The following ALS2 variants were observed in gnomAD, a reference collection of about 807,000 sequenced individuals.
ALS2 encodes the protein alsin Rho guanine nucleotide exchange factor ALS2.
ALS2 carries 117 observed loss-of-function variants against 203.4 expected under a neutral mutation model. The ratio of observed to expected loss-of-function variants is 0.58; its 90% CI spans 0.50 to 0.67. The LOEUF is 0.67. Ranked by LOEUF, ALS2 falls within the 30% of genes least tolerant of loss-of-function variation. The probability of loss-of-function intolerance (pLI) is 0.00; values close to 1 mark genes in which losing one functional copy is unlikely to be tolerated. For missense variants in ALS2, 1,715 were observed against 1,989.4 expected (o/e 0.86, Z 2.62); for synonymous variants, 718 against 725.9 (o/e 0.99, Z 0.17).
At chr2:201,756,450 G>T (rs941381451) in intron 5 of ALS2, among the ~76,000 whole-genome samples, 1 of 152,132 alleles carries the variant, frequency 6.6e-6, no homozygotes, top group Non-Finnish European at 1.5e-5. Context: ...AGTAAAAAAG[G>T]TAAGTTTTAG....
intron 1 of ALS2, among the ~76,000 whole-genome samples, chr2:201,779,229 A>T (rs2106122083): frequency 6.6e-6 from 1 of 152,308 alleles, no homozygotes; most frequent in South Asian, 2.1e-4. Flanking sequence ...TAAAAAGTAA[A>T]TGGCCTGCAT....
intron 12 of ALS2, among the ~76,000 whole-genome samples, chr2:201,737,124 T>G (rs1034543835): frequency 6.6e-6 from 1 of 152,182 alleles, no homozygotes; most frequent in Admixed American, 6.5e-5. Flanking sequence ...ATAAAAAAAT[T>G]ATGTTTCTAC....
At position 201,761,437 on chromosome 2, in the gene ALS2, G is replaced by T. The variant is rs1440521948; in HGVS notation, c.557C>A (p.Ala186Asp). ...TGCQLGLITTAFPVTKPQKVE... is the reference protein window; with the variant it reads ...TGCQLGLITTDFPVTKPQKVE... The stretch of plus-strand genomic sequence containing the variant: ...CTTTTGCGGCTTTGTCACTGGGAAG[G>T]CAGTGGTAATGAGACCCAACTGACA... Residue 186 changes from alanine (A) to aspartate (D), a missense_variant, in exon 4 of 34, where the codon GCC becomes GAC. This residue lies in a region of ALS2 where 476 missense variants were observed against 539.3 expected (regional missense o/e 0.88). Coordinates refer to ENST00000264276, the MANE Select transcript of ALS2 (RefSeq NM_020919.4). The T allele has an allele frequency of 6.2e-7, 1 of 1,607,794 alleles. No individual in the cohort carries two copies. The highest frequency in any genetic ancestry group is 8.5e-7 in the Non-Finnish European group (1 of 1,175,238).
Position 201,706,983 on chromosome 2 carries a change from C to G in ALS2, c.4443G>C (p.Leu1481=), listed in dbSNP as rs1186664503. 6.2e-7 allele frequency: 1 copy of G among 1,613,824 alleles called. No homozygotes were observed. Residue 1481 remains leucine (L), a synonymous_variant, in exon 29 of 34, where the codon CTG becomes CTC. Transcript: ENST00000264276. ...VTSSGLLLPV[L]LPRLYPPLFM... ...ACAGCGGTGGGTAGAGCCGAGGTAG[C>G]AGCACAGGAAGCAATAATCCAGAAC...
chr2:201,732,535 T>G (rs946126487), intron 13 of ALS2, among the ~76,000 whole-genome samples: 4 of 151,862 alleles, frequency 2.6e-5, no homozygotes, highest in Admixed American at 1.3e-4. Flanking sequence ...GCCACTGCAC[T>G]CCAGCCCCAG....
At position 201,700,401 on chromosome 2, in the gene ALS2, A is replaced by G. The variant is rs911365430; in HGVS notation, c.*1450T>C. 2.0e-5 allele frequency among the ~76,000 whole-genome samples: 3 copies of G among 152,206 alleles called. No individual in the cohort carries two copies. The highest frequency in any genetic ancestry group is 4.4e-5 in the Non-Finnish European group (3 of 68,030). On this transcript the variant is annotated 3_prime_UTR_variant, in exon 34 of 34. Coordinates refer to ENST00000264276, the MANE Select transcript of ALS2 (RefSeq NM_020919.4). ...TAACTATTGGTTTACGTTTATTTTA[A>G]AGACAGAGATTTCTAAAACCCCAGA...
chr2:201,755,677 G>A (rs1333930515), intron 5 of ALS2, among the ~76,000 whole-genome samples: 1 of 152,076 alleles, frequency 6.6e-6, no homozygotes, highest in Non-Finnish European at 1.5e-5. Flanking sequence ...TTTCTGAGAC[G>A]GGAAAAAGAT....
chr2:201,733,569 C>A, intron 12 of ALS2, 131 bp from the exon 13 acceptor site: 1 of 786,652 alleles, frequency 1.3e-6, no homozygotes, highest in Non-Finnish European at 2.1e-6. Flanking sequence ...AGTAGAAATA[C>A]AATGAAATAA....
rs1162373491 is a variant in ALS2 at position 201,725,387 on chromosome 2, C to T, written c.3316G>A (p.Glu1106Lys). ...KEDHYVGHWK[E>K]GKMCGQGVYS... is the part of the protein sequence containing the mutation. ...ACTCCTTGACCGCACATTTTTCCTT[C>T]TTTCCAATGGCCCACATAATGGTCT... The change falls in exon 20 of 34, where the codon GAA (glutamate) becomes AAA (lysine). Residue 1106 changes from glutamate (E) to lysine (K), a missense_variant. Transcript: ENST00000264276. The T allele has an allele frequency of 6.2e-7, 1 of 1,613,974 alleles. No individual in the cohort carries two copies. Among genetic ancestry groups the T allele is most frequent in the African/African-American group, 1.3e-5 (1 of 74,916 alleles).
At chr2:201,705,282 G>A in intron 30 of ALS2, 82 bp from the exon 31 acceptor site, 3 of 1,482,868 alleles carry the variant, frequency 2.0e-6, no homozygotes, top group Non-Finnish European at 2.8e-6. Flanking sequence ...TCAGAGTGCA[G>A]GTCTTTGGTA....
At chr2:201,747,511 C>T (rs879841154) in intron 8 of ALS2, among the ~76,000 whole-genome samples, 4 of 142,970 alleles carry the variant, frequency 2.8e-5, no homozygotes, top group African/African-American at 5.1e-5. Flanking sequence ...TGTGCAGTGG[C>T]GCAATCTCGG....
At chr2:201,749,645 A>G in intron 8 of ALS2, 67 bp downstream of exon 8, 3 of 1,340,002 alleles carry the variant, frequency 2.2e-6, no homozygotes, top group Non-Finnish European at 3.2e-6. Context: ...AAAATAAGAA[A>G]TGGAGAAGTA....
At position 201,715,746 on chromosome 2, in the gene ALS2, G is replaced by T. The variant is rs780354290; in HGVS notation, c.3930C>A (p.Gly1310=). The change falls in exon 25 of 34, where the codon GGC becomes GGA. Residue 1310 remains glycine (G), a synonymous_variant. Coordinates refer to ENST00000264276, the MANE Select transcript of ALS2 (RefSeq NM_020919.4). ...CWRQLGCEGP[G]QGEVWKAWDN... ...CCCATGCTTTCCAAACTTCCCCTTG[G>T]CCTGGGCCCTCACAGCCCAGTTGGC... is the stretch of plus-strand genomic sequence containing the variant. 1.1e-5 allele frequency: 17 copies of T among 1,614,036 alleles called. No homozygotes were observed. The East Asian group carries it at 3.8e-4, about 36-fold the overall frequency.
chr2:201,720,874 T>C (rs1439573614), intron 23 of ALS2, among the ~76,000 whole-genome samples: 1 of 152,126 alleles, frequency 6.6e-6, no homozygotes, highest in Admixed American at 6.6e-5. Context: ...AAGCCTTCCA[T>C]ATTGTAAAGA....
intron 28 of ALS2, among the ~76,000 whole-genome samples, chr2:201,707,431 A>G (rs1395245935): frequency 1.3e-5 from 2 of 149,276 alleles, no homozygotes; most frequent in Non-Finnish European, 3.0e-5. Context: ...CTACCCAGCT[A>G]CATTTTTTTT....
chr2:201,741,691 G>C lies in ALS2; in HGVS notation c.2334C>G (p.Phe778Leu). 1 of 1,614,100 alleles carries C rather than the reference G, an allele frequency of 6.2e-7. No individual in the cohort carries two copies. The highest frequency in any genetic ancestry group is 8.5e-7 in the Non-Finnish European group (1 of 1,180,022). ...SLVILKHSSL[F>L]LDSYTEYCTS... ...ATACTTGCTCTGTATAACTATCCAA[G>C]AAGAGACTTGAATGCTTCAGGATGA... The change falls in exon 11 of 34, where the codon TTC becomes TTG. Residue 778 changes from phenylalanine to leucine, a missense_variant. This residue lies in a region of ALS2 where 1,227 missense variants were observed against 1,413.5 expected (regional missense o/e 0.87). Coordinates refer to ENST00000264276, the MANE Select transcript of ALS2 (RefSeq NM_020919.4).
intron 25 of ALS2, among the ~76,000 whole-genome samples, chr2:201,713,122 C>CCTTTT (rs201964379): frequency 0.015 from 1,845 of 127,240 alleles, 30 homozygotes; most frequent in Middle Eastern, 0.032. Context: ...CATTCTTTCT[C>CCTTTT]CTTTTCTTTT....
At position 201,701,805 on chromosome 2, in the gene ALS2, A is replaced by G. The variant is rs560762186; in HGVS notation, c.*46T>C. ...CTACAGGAAGACTCCAGATGGTGTT[A>G]TAACACTCTGTAGTAGATAATCCAG... On this transcript the variant is annotated 3_prime_UTR_variant, in exon 34 of 34. Transcript: ENST00000264276. 6 of 1,587,530 alleles carry G rather than the reference A, an allele frequency of 3.8e-6. No individual in the cohort carries two copies. The highest frequency in any genetic ancestry group is 1.7e-5 in the Admixed American group (1 of 59,946).
chr2:201,722,802 G>A (rs1690891736), intron 23 of ALS2: 1 of 534,866 alleles, frequency 1.9e-6, no homozygotes, highest in South Asian at 2.3e-5. Flanking sequence ...ATTAGTGGTT[G>A]GCTGGGACTT....
Sources: gnomAD v4.1 joint callset for allele counts (sites outside exome capture counted in the v4.1 genomes callset) on GRCh38, gnomAD v4.1.1 for gene constraint, gnomAD v4.1.1 regional missense constraint, MANE v1.5 for transcripts, NCBI Gene and HGNC (gene_info 2026-07-23, HGNC 2026-07-21) for gene names.